The following CCNK variants were observed in gnomAD, a reference collection of about 807,000 sequenced individuals.
The protein encoded by CCNK is cyclin-K.
CCNK carries 9 observed loss-of-function variants against 65.0 expected under a neutral mutation model. The observed-to-expected ratio is 0.14, with a 90% confidence interval of 0.08 to 0.24. The LOEUF is 0.24. Among genes scored for constraint, CCNK ranks in the 10% least tolerant of loss-of-function variants. The pLI, the probability that CCNK is intolerant of heterozygous loss-of-function variation, is 1.00. For synonymous variants in CCNK, 279 were observed against 270.8 expected, an observed-to-expected ratio of 1.03 and a Z score of -0.30; for missense variants, 474 against 720.0, an observed-to-expected ratio of 0.66 and a Z score of 3.91.
intron 1 of CCNK, among the ~76,000 whole-genome samples, chr14:99,483,026 CTT>C (rs747439584): frequency 1.5e-4 from 23 of 152,188 alleles, no homozygotes; most frequent in Non-Finnish European, 2.9e-4. Context: ...TTGCAGATGA[CTT>C]TATAAAATCG....
At chr14:99,503,716 T>G in intron 9 of CCNK, 72 bp downstream of exon 9, 1 of 1,347,494 alleles carries the variant, frequency 7.4e-7, no homozygotes, top group Non-Finnish European at 1.0e-6. Context: ...TAGCCAACAT[T>G]GTTTCTTTTC....
intron 1 of CCNK, among the ~76,000 whole-genome samples, chr14:99,489,139 T>TA (rs1566746751): frequency 2.3e-4 from 34 of 150,822 alleles, no homozygotes; most frequent in African/African-American, 8.0e-4. Flanking sequence ...ATATATATAT[T>TA]TTTTTTTAAC....
At position 99,502,270 on chromosome 14, in the gene CCNK, C is replaced by T. The variant is rs367635109; in HGVS notation, c.639C>T (p.Leu213=). 5.0e-6 allele frequency: 8 copies of T among 1,608,436 alleles called. No individual in the cohort carries two copies. The highest frequency in any genetic ancestry group is 3.4e-5 in the Admixed American group (2 of 59,252). ...PEIIAVAVMY[L]AGRLCKFEIQ... ...TCATAGCAGTAGCAGTGATGTATCT[C>T]GCAGGACGTTTGTGCAAATTTGAAA... Residue 213 remains leucine, a synonymous_variant, in exon 7 of 11, where the codon CTC becomes CTT. Transcript: ENST00000389879.
At chr14:99,491,451 C>T (rs1896596061) in intron 1 of CCNK, among the ~76,000 whole-genome samples, 1 of 152,186 alleles carries the variant, frequency 6.6e-6, no homozygotes, top group Non-Finnish European at 1.5e-5. Context: ...AATTGTATCT[C>T]AGTGTGATGT....
In CCNK at chr14:99,495,534, G is replaced by A; in HGVS notation, c.316G>A (p.Val106Ile). Reference protein sequence around the residue: ...GACCLFLAGKVEETPKKCKDI... With the variant: ...GACCLFLAGKIEETPKKCKDI... ...CTGTTGCCTCTTTCTGGCTGGGAAA[G>A]TAGAAGAAACACCAAAAAAATGTAA... is the stretch of plus-strand genomic sequence containing the variant. Residue 106 changes from valine (V) to isoleucine (I), a missense_variant, in exon 4 of 11, where the codon GTA (valine) becomes ATA (isoleucine). Physicochemically the swap from Val to Ile is conservative, Grantham distance 29. Transcript: ENST00000389879. The A allele has an allele frequency of 6.2e-7, 1 of 1,612,858 alleles. No individual in the cohort carries two copies. Among genetic ancestry groups the A allele is most frequent in the African/African-American group, 1.3e-5 (1 of 74,970 alleles).
At chr14:99,509,547 A>G (rs1897065779) in intron 10 of CCNK, 1 of 154,688 alleles carries the variant, frequency 6.5e-6, no homozygotes, top group African/African-American at 2.4e-5. Flanking sequence ...CGCACGCAGC[A>G]CGCACACGCA....
chr14:99,486,727 G>GAC (rs1364530790), intron 1 of CCNK, among the ~76,000 whole-genome samples: 1 of 152,050 alleles, frequency 6.6e-6, no homozygotes, highest in African/African-American at 2.4e-5. Context: ...GGCCAATTAT[G>GAC]ACACACACAC....
At chr14:99,485,957 AT>A (rs894842176) in intron 1 of CCNK, among the ~76,000 whole-genome samples, 2 of 152,210 alleles carry the variant, frequency 1.3e-5, no homozygotes, top group Non-Finnish European at 2.9e-5. Flanking sequence ...ACTTCTAAAA[AT>A]GTTATTTTAT....
chr14:99,481,648 G>T, intron 1 of CCNK, 169 bp downstream of exon 1: 1 of 390,928 alleles, frequency 2.6e-6, no homozygotes, highest in Admixed American at 4.4e-5. Flanking sequence ...ACGCGGGGTT[G>T]TGGGGCGGGC....
At chr14:99,496,011 C>G (rs1365757751) in intron 4 of CCNK, among the ~76,000 whole-genome samples, 7 of 152,128 alleles carry the variant, frequency 4.6e-5, no homozygotes, top group Admixed American at 3.9e-4. Context: ...CATACACATG[C>G]CTACATATGC....
At chr14:99,486,017 A>G (rs1896476148) in intron 1 of CCNK, among the ~76,000 whole-genome samples, 1 of 152,216 alleles carries the variant, frequency 6.6e-6, no homozygotes, top group Non-Finnish European at 1.5e-5. Flanking sequence ...TATACCGTAC[A>G]AATTACCCAT....
intron 4 of CCNK, among the ~76,000 whole-genome samples, chr14:99,496,528 G>T (rs1191927226): frequency 6.6e-6 from 1 of 151,776 alleles, no homozygotes; most frequent in East Asian, 1.9e-4. Context: ...GGCTAACATG[G>T]TGAAACCCCG....
chr14:99,499,974 G>A (rs1195826368), intron 4 of CCNK, among the ~76,000 whole-genome samples: 1 of 152,282 alleles, frequency 6.6e-6, no homozygotes, highest in East Asian at 1.9e-4. Flanking sequence ...ATTTGAGTGA[G>A]GGGGACATGC....
intron 10 of CCNK, chr14:99,508,736 G>C (rs1198306188): frequency 6.6e-6 from 1 of 152,436 alleles, no homozygotes; most frequent in African/African-American, 2.4e-5. Flanking sequence ...TGCTGTTCCA[G>C]CTCAGTCACA....
intron 1 of CCNK, among the ~76,000 whole-genome samples, chr14:99,486,362 C>G (rs1025425351): frequency 1.1e-4 from 16 of 152,190 alleles, no homozygotes; most frequent in Non-Finnish European, 1.9e-4. Flanking sequence ...CAAACGCTCG[C>G]CTTTGGTGAT....
At chr14:99,490,634 A>C (rs1239859331) in intron 1 of CCNK, among the ~76,000 whole-genome samples, 1 of 152,198 alleles carries the variant, frequency 6.6e-6, no homozygotes, top group Non-Finnish European at 1.5e-5. Flanking sequence ...CTTTAAAAAA[A>C]TAGAGATGTC....
chr14:99,510,126 G>T, intron 10 of CCNK, 31 bp from the exon 11 acceptor site: 1 of 1,573,964 alleles, frequency 6.4e-7, no homozygotes, highest in East Asian at 2.3e-5. Flanking sequence ...TGCTGGCGGA[G>T]GCCGGGCACT....
Position 99,502,346 on chromosome 14 carries a change from G to T in CCNK, c.715G>T (p.Val239Phe). Residue 239 changes from valine (V) to phenylalanine (F), a missense_variant, in exon 7 of 11, where the codon GTT becomes TTT. Physicochemically the swap from Val to Phe is conservative, Grantham distance 50. This residue lies in a region of CCNK where 67 missense variants were observed against 150.2 expected (regional missense o/e 0.45). Transcript: ENST00000389879. ...PMYRRWWEQF[V>F]QDVPVDVLED... ...GTATAGGAGATGGTGGGAGCAGTTT[G>T]TTCAAGATGTCCCGGTCGACGTTTT... 6.2e-7 allele frequency: 1 copy of T among 1,613,730 alleles called. No homozygotes were observed. Among genetic ancestry groups the T allele is most frequent in the Non-Finnish European group, 8.5e-7 (1 of 1,179,836 alleles).
At chr14:99,501,589 G>T (rs1896826223) in intron 6 of CCNK, 176 bp downstream of exon 6, 3 of 581,968 alleles carry the variant, frequency 5.2e-6, no homozygotes, top group Non-Finnish European at 9.1e-6. Flanking sequence ...CCCGGCAGAG[G>T]GTTTCCTTCT....
Sources: gnomAD v4.1 joint callset for allele counts (sites outside exome capture counted in the v4.1 genomes callset) on GRCh38, gnomAD v4.1.1 for gene constraint, gnomAD v4.1.1 regional missense constraint, MANE v1.5 for transcripts, NCBI Gene and HGNC (gene_info 2026-07-23, HGNC 2026-07-21) for gene names.